Variants in ADAMTSL1 observed in about 807,000 individuals in gnomAD.
The protein encoded by ADAMTSL1 is ADAMTS-like protein 1.
Under a neutral mutation model 201.8 loss-of-function variants are expected in ADAMTSL1, and 126 were observed. The observed-to-expected ratio is 0.62, with a 90% CI of 0.54 to 0.72. ADAMTSL1 has a LOEUF of 0.72. Ranked by LOEUF, ADAMTSL1 falls within the 30% of genes least tolerant of loss-of-function variation. ADAMTSL1 has a pLI of 0.00. For synonymous variants in ADAMTSL1, 1,121 were observed against 903.4 expected (o/e 1.24, Z -4.32); for missense variants, 2,679 against 2,277.8 (o/e 1.18, Z -3.59).
chr9:18,625,463 C>T (rs1370921982), intron 5 of ADAMTSL1, among the ~76,000 whole-genome samples: 1 of 152,062 alleles, frequency 6.6e-6, no homozygotes, highest in Non-Finnish European at 1.5e-5. Context: ...TTGCCTAATA[C>T]AAATACAGAC....
chr9:18,753,684 A>G (rs1819591982), intron 16 of ADAMTSL1, among the ~76,000 whole-genome samples, 176 bp downstream of exon 16: 1 of 152,166 alleles, frequency 6.6e-6, no homozygotes, highest in African/African-American at 2.4e-5. Flanking sequence ...TTAATTACAA[A>G]TATCATGCTT....
intron 1 of ADAMTSL1, among the ~76,000 whole-genome samples, chr9:18,129,463 C>T (rs1825861987): frequency 6.6e-6 from 1 of 152,108 alleles, no homozygotes; most frequent in Non-Finnish European, 1.5e-5. Context: ...ACTCAAGGCC[C>T]CTGAGAAGAC....
At chr9:18,399,292 TATATATATATATATATATATATATATATA>T (rs1817876522) in intron 2 of ADAMTSL1, among the ~76,000 whole-genome samples, 1 of 94,056 alleles carries the variant, frequency 1.1e-5, no homozygotes, top group Admixed American at 1.0e-4. Flanking sequence ...TATATATATA[TATATATATATATATATATATATATATATA>T]TATATATAAA....
chr9:18,720,029 G>T (rs747011081), intron 14 of ADAMTSL1, among the ~76,000 whole-genome samples: 1 of 152,168 alleles, frequency 6.6e-6, no homozygotes, highest in Non-Finnish European at 1.5e-5. Context: ...ATCTTTAAAT[G>T]TAAGTATCTT....
chr9:18,670,430 C>T (rs1829740175), intron 9 of ADAMTSL1, among the ~76,000 whole-genome samples: 1 of 152,200 alleles, frequency 6.6e-6, no homozygotes, highest in African/African-American at 2.4e-5. Flanking sequence ...TCTCTGCTCA[C>T]ATCAGCCAAT....
At position 18,784,891 on chromosome 9, in the gene ADAMTSL1, C is replaced by T. The variant is rs560194385; in HGVS notation, c.3677+6985C>T. 7.9e-5 allele frequency among the ~76,000 whole-genome samples: 12 copies of T among 152,264 alleles called. No homozygotes were observed. The South Asian group carries it at 8.3e-4, about 11-fold the overall frequency. On this transcript the variant is annotated intron_variant, in intron 19 of 28. Transcript: ENST00000380548. ...AAAAAGTAATCGAGCTGGGGTGAGG[C>T]GCGGTGGCTCACGCCTGTAATCCCA...
intron 2 of ADAMTSL1, among the ~76,000 whole-genome samples, chr9:18,375,045 T>C (rs545329655): frequency 6.6e-6 from 1 of 152,328 alleles, no homozygotes; most frequent in African/African-American, 2.4e-5. Flanking sequence ...GGGAAACATC[T>C]TGCTCACTTC....
intron 1 of ADAMTSL1, among the ~76,000 whole-genome samples, chr9:17,971,968 C>G (rs956680905): frequency 1.6e-4 from 24 of 151,370 alleles, no homozygotes; most frequent in African/African-American, 5.8e-4. Context: ...CTTTTTCTGG[C>G]TTTATCAAAA....
chr9:18,636,248 A>G (rs1172063114), intron 6 of ADAMTSL1, among the ~76,000 whole-genome samples: 1 of 152,178 alleles, frequency 6.6e-6, no homozygotes, highest in Non-Finnish European at 1.5e-5. Flanking sequence ...AGATGCTCCC[A>G]ATGGGTTGTT....
chr9:18,440,106 T>C (rs1345223356), intron 2 of ADAMTSL1, among the ~76,000 whole-genome samples: 1 of 152,240 alleles, frequency 6.6e-6, no homozygotes, highest in African/African-American at 2.4e-5. Context: ...GTATTTATTA[T>C]GTTTTTGGTA....
At chr9:18,209,551 G>A (rs1386971161) in intron 2 of ADAMTSL1, among the ~76,000 whole-genome samples, 2 of 152,090 alleles carry the variant, frequency 1.3e-5, no homozygotes, top group Admixed American at 6.6e-5. Flanking sequence ...GGGAGGTCCC[G>A]ATAAACTTAA....
intron 7 of ADAMTSL1, among the ~76,000 whole-genome samples, chr9:18,652,077 A>G (rs1452912919): frequency 6.6e-6 from 1 of 152,102 alleles, no homozygotes; most frequent in Non-Finnish European, 1.5e-5. Flanking sequence ...CTAAAGAAAG[A>G]AAGACACATA....
chr9:18,161,406 T>C (rs1827382615), intron 1 of ADAMTSL1, among the ~76,000 whole-genome samples: 1 of 152,066 alleles, frequency 6.6e-6, no homozygotes, highest in African/African-American at 2.4e-5. Context: ...TGGCATCGAA[T>C]AACTAAAGGT....
rs1159256754 is a variant in ADAMTSL1, at chr9:18,474,187, A to AG, written c.-45dup. ...TGTGACAGCAGGCAGAGGAGCACTT[A>AG]GCAGCTTATTCAGTGTCCGATTCTG... On this transcript the variant is annotated 5_prime_UTR_variant, in exon 1 of 29. Coordinates refer to ENST00000380548, the MANE Select transcript of ADAMTSL1 (RefSeq NM_001040272.6). 1 of 1,595,280 alleles carries AG rather than the reference A, an allele frequency of 6.3e-7. No individual in the cohort carries two copies. Among genetic ancestry groups the AG allele is most frequent in the Non-Finnish European group, 8.6e-7 (1 of 1,163,550 alleles).
At chr9:18,509,954 C>T (rs939091984) in intron 2 of ADAMTSL1, among the ~76,000 whole-genome samples, 1 of 152,160 alleles carries the variant, frequency 6.6e-6, no homozygotes, top group African/African-American at 2.4e-5. Flanking sequence ...AGTTCAGTCA[C>T]CTTATATACC....
chr9:18,511,314 T>G (rs780853427), intron 2 of ADAMTSL1, among the ~76,000 whole-genome samples: 1 of 151,542 alleles, frequency 6.6e-6, no homozygotes, highest in Non-Finnish European at 1.5e-5. Flanking sequence ...ATACAAATAT[T>G]ATGTTAAATC....
rs1225092492 is a variant in ADAMTSL1, at chr9:18,750,427, G to A, written c.2007-2871G>A. On this transcript the variant is annotated intron_variant, in intron 15 of 28. Transcript: ENST00000380548. Reference sequence around the variant, plus strand: ...TGTTCATTCAATTTTATGTTTGTGAGATTCATTTATGTTGTTGCTTATTGT... The same window carrying A: ...TGTTCATTCAATTTTATGTTTGTGAAATTCATTTATGTTGTTGCTTATTGT... Among the ~76,000 whole-genome samples the A allele has an allele frequency of 6.6e-5, 10 of 152,300 alleles. No individual in the cohort carries two copies. The South Asian group carries it at 2.1e-3, about 32-fold the overall frequency.
At chr9:17,914,252 C>A (rs1323250614) in intron 1 of ADAMTSL1, among the ~76,000 whole-genome samples, 1 of 152,128 alleles carries the variant, frequency 6.6e-6, no homozygotes, top group Non-Finnish European at 1.5e-5. Context: ...CCTTGATGAA[C>A]ATTGATGCAA....
chr9:18,833,523 A>G (rs1156443528), intron 23 of ADAMTSL1, among the ~76,000 whole-genome samples: 3 of 152,152 alleles, frequency 2.0e-5, no homozygotes, highest in Non-Finnish European at 2.9e-5. Context: ...GCGTATGTTC[A>G]CATCTTTGCC....
Sources: gnomAD v4.1 joint callset for allele counts (sites outside exome capture counted in the v4.1 genomes callset) on GRCh38, gnomAD v4.1.1 for gene constraint, MANE v1.5 for transcripts, NCBI Gene and HGNC (gene_info 2026-07-23, HGNC 2026-07-21) for gene names.